The following SEC62 variants were observed in gnomAD, a reference collection of about 807,000 sequenced individuals.
SEC62 encodes the protein SEC62 preprotein translocation factor.
In SEC62, 10 loss-of-function variants were observed where a neutral mutation model predicts 47.5. The ratio of observed to expected loss-of-function variants is 0.21; its 90% CI spans 0.13 to 0.36. SEC62 has a LOEUF of 0.36. Among genes scored for constraint, SEC62 ranks in the 10% least tolerant of loss-of-function variants. The probability of loss-of-function intolerance (pLI) is 1.00; values close to 1 mark genes in which losing one functional copy is unlikely to be tolerated. For missense variants in SEC62, 327 were observed against 464.1 expected, an observed-to-expected ratio of 0.70 and a Z score of 2.71; for synonymous variants, 136 against 150.5, an observed-to-expected ratio of 0.90 and a Z score of 0.71.
intron 3 of SEC62, among the ~76,000 whole-genome samples, chr3:169,979,079 C>G (rs1291095125): frequency 6.6e-6 from 1 of 152,130 alleles, no homozygotes; most frequent in Non-Finnish European, 1.5e-5. Context: ...ATTTGAAAAG[C>G]TCAAAAGACC....
In SEC62 at chr3:169,975,671, A is replaced by G. The variant is rs186147407; in HGVS notation, c.100A>G (p.Thr34Ala). The G allele has an allele frequency of 5.0e-6, 8 of 1,613,874 alleles. No individual in the cohort carries two copies. In the East Asian group the frequency reaches 6.7e-5, roughly 13 times the overall value. The change falls in exon 2 of 8, where the codon ACA (threonine) becomes GCA (alanine). Residue 34 changes from threonine to alanine, a missense_variant. Physicochemically the swap from Thr to Ala is moderately conservative, Grantham distance 58. Coordinates refer to ENST00000337002, the MANE Select transcript of SEC62 (RefSeq NM_003262.4). The stretch of plus-strand genomic sequence containing the variant: ...CAAGTATCTTCGATTCAACTGTCCA[A>G]CAAAGTCCACCAATATGATGGGTCA... ...VAKYLRFNCPTKSTNMMGHRV... is the reference protein window; with the variant it reads ...VAKYLRFNCPAKSTNMMGHRV...
At chr3:169,975,839 C>A in intron 2 of SEC62, 123 bp downstream of exon 2, 1 of 563,248 alleles carries the variant, frequency 1.8e-6, no homozygotes, top group Non-Finnish European at 3.3e-6. Context: ...GGACATATGG[C>A]AGTTGATTAT....
Position 169,986,687 on chromosome 3 carries a change from G to A in SEC62, c.610+822G>A, listed in dbSNP as rs568440090. On this transcript the variant is annotated intron_variant, in intron 6 of 7. Coordinates refer to ENST00000337002, the MANE Select transcript of SEC62 (RefSeq NM_003262.4). ...CTTAATAGTACTTAACCTCTGGGAAGTGGAATAAGAATTAGATGAAGACTT... is the reference window on the plus strand; with the variant it reads ...CTTAATAGTACTTAACCTCTGGGAAATGGAATAAGAATTAGATGAAGACTT... 5.8e-4 allele frequency among the ~76,000 whole-genome samples: 88 copies of A among 152,290 alleles called. 1 individual carries two copies. Among genetic ancestry groups the A allele is most frequent in the South Asian group, 2.1e-3 (10 of 4,830 alleles).
At chr3:169,979,938 G>A (rs944596095) in intron 3 of SEC62, among the ~76,000 whole-genome samples, 2 of 152,092 alleles carry the variant, frequency 1.3e-5, no homozygotes, top group Admixed American at 1.3e-4. Context: ...ATTGGTGGAA[G>A]TCCCCAACAT....
In SEC62 at chr3:169,966,849, G is replaced by T. The variant is rs770118827; in HGVS notation, c.27G>T (p.Lys9Asn). The change falls in exon 1 of 8, where the codon AAG becomes AAT. Residue 9 changes from lysine (K) to asparagine (N), a missense_variant. Transcript: ENST00000337002. MAERRRHK[K>N]RIQEVGEPSK... ...TGGCGGAACGCAGGAGACACAAGAAGCGGATCCAGGTAGCAAAGCCGAGCT... is the reference window on the plus strand; with the variant it reads ...TGGCGGAACGCAGGAGACACAAGAATCGGATCCAGGTAGCAAAGCCGAGCT... The T allele has an allele frequency of 6.4e-7, 1 of 1,556,574 alleles. No individual in the cohort carries two copies.
intron 3 of SEC62, 139 bp downstream of exon 3, chr3:169,977,190 G>A (rs759299008): frequency 4.1e-6 from 2 of 487,184 alleles, no homozygotes; most frequent in Non-Finnish European, 3.6e-6. Context: ...GATTTCTTTG[G>A]TACCTCTGGA....
Position 169,994,470 on chromosome 3 carries a change from T to C in SEC62, c.*1407T>C, listed in dbSNP as rs1220682158. 1 of 152,676 alleles carries C rather than the reference T, an allele frequency of 6.5e-6. No individual in the cohort carries two copies. The highest frequency in any genetic ancestry group is 1.5e-5 in the Non-Finnish European group (1 of 68,026). The allele number at this position is 152,676 out of a possible 1,614,324, so 9.5% of individuals were successfully genotyped here. ...TTCTAATTGTGAAAAATATGTTTTC[T>C]GTATCGACACATTTTATTAAACTTG... On this transcript the variant is annotated 3_prime_UTR_variant, in exon 8 of 8. Coordinates refer to ENST00000337002, the MANE Select transcript of SEC62 (RefSeq NM_003262.4).
chr3:169,974,228 C>T (rs1714773098), intron 1 of SEC62, among the ~76,000 whole-genome samples: 2 of 152,172 alleles, frequency 1.3e-5, no homozygotes, highest in East Asian at 1.9e-4. Flanking sequence ...TTTAATGAAG[C>T]AGCCCTTCCT....
intron 3 of SEC62, among the ~76,000 whole-genome samples, chr3:169,978,991 T>C (rs914664077): frequency 6.6e-6 from 1 of 152,202 alleles, no homozygotes; most frequent in African/African-American, 2.4e-5. Context: ...CTATTAGATC[T>C]GTAAGCCCAA....
intron 3 of SEC62, among the ~76,000 whole-genome samples, chr3:169,978,365 A>G (rs1338183312): frequency 1.3e-5 from 2 of 152,208 alleles, no homozygotes; most frequent in Non-Finnish European, 2.9e-5. Context: ...CAGCAAGCAT[A>G]TATCCAGGGC....
intron 2 of SEC62, among the ~76,000 whole-genome samples, chr3:169,976,329 CTG>C (rs776665077): frequency 3.3e-5 from 5 of 152,104 alleles, no homozygotes; most frequent in Non-Finnish European, 5.9e-5. Flanking sequence ...GATCCCACCA[CTG>C]TACTCCAGCC....
intron 5 of SEC62, 150 bp downstream of exon 5, chr3:169,983,403 T>G: frequency 4.4e-6 from 2 of 456,738 alleles, no homozygotes; most frequent in Non-Finnish European, 7.9e-6. Context: ...AAATCAATAA[T>G]TTCTCTTATT....
At chr3:169,969,794 A>C (rs1714651440) in intron 1 of SEC62, among the ~76,000 whole-genome samples, 1 of 152,192 alleles carries the variant, frequency 6.6e-6, no homozygotes, top group Non-Finnish European at 1.5e-5. Context: ...TAAAGACTTA[A>C]CATGACTTGT....
chr3:169,992,463 T>TTTAAATA lies in SEC62; in HGVS notation c.731-126_731-120dup, dbSNP rs1576866130. On this transcript the variant is annotated intron_variant, in intron 7 of 7. Transcript: ENST00000337002. This position sits in a 1 kb window ranked among gnomAD's most constrained non-coding sequence, Gnocchi z 4.0. Reference sequence around the variant, plus strand: ...CCACCACGCCCAGCACTAATCAGGATTTAAATATTAATATTTAAGGTGTAT... The same window carrying TTTAAATA: ...CCACCACGCCCAGCACTAATCAGGATTTAAATATTAAATATTAATATTTAAGGTGTAT... 2 of 670,472 alleles carry TTTAAATA rather than the reference T, an allele frequency of 3.0e-6. No homozygotes were observed. Among genetic ancestry groups the TTTAAATA allele is most frequent in the Non-Finnish European group, 5.0e-6 (2 of 400,852 alleles). The allele number at this position is 670,472 out of a possible 1,614,324, so 41.5% of individuals were successfully genotyped here. A position where few individuals can be genotyped will look rare whatever the true frequency, so the allele number is the denominator to read the frequency against.
At position 169,993,310 on chromosome 3, in the gene SEC62, T is replaced by C. The variant is rs139198700; in HGVS notation, c.*247T>C. ...TTTACAGTAAGTAGGTCTCATTCATTTTGACAGTTATCAAAGATGTACTTT... is the reference window on the plus strand; with the variant it reads ...TTTACAGTAAGTAGGTCTCATTCATCTTGACAGTTATCAAAGATGTACTTT... On this transcript the variant is annotated 3_prime_UTR_variant, in exon 8 of 8. Coordinates refer to ENST00000337002, the MANE Select transcript of SEC62 (RefSeq NM_003262.4). The C allele has an allele frequency of 3.9e-5, 14 of 358,182 alleles. No individual in the cohort carries two copies. In the East Asian group the frequency reaches 4.3e-4, roughly 11 times the overall value. The allele number at this position is 358,182 out of a possible 1,614,324, so 22.2% of individuals were successfully genotyped here.
Position 169,992,221 on chromosome 3 carries a change from C to A in SEC62, c.731-373C>A, listed in dbSNP as rs1406208992. Reference sequence around the variant, plus strand: ...AAGTGTATATCCATGTAAGTGTACACCCAGATGGAAAAAAGAAGTAATTTT... The same window carrying A: ...AAGTGTATATCCATGTAAGTGTACAACCAGATGGAAAAAAGAAGTAATTTT... On this transcript the variant is annotated intron_variant, in intron 7 of 7. Transcript: ENST00000337002. The surrounding 1 kb of genome is among the most constrained non-coding windows in gnomAD (Gnocchi z 4.0). Among the ~76,000 whole-genome samples, 1 of 152,114 alleles carries A rather than the reference C, an allele frequency of 6.6e-6. No homozygotes were observed. Among genetic ancestry groups the A allele is most frequent in the Admixed American group, 6.5e-5 (1 of 15,268 alleles).
At chr3:169,987,233 C>A (rs1442283569) in intron 6 of SEC62, among the ~76,000 whole-genome samples, 1 of 151,970 alleles carries the variant, frequency 6.6e-6, no homozygotes, top group Non-Finnish European at 1.5e-5. Context: ...TCGAAACCAG[C>A]CTAGGCAACA....
chr3:169,981,398 A>AGAAGT (rs1267135802), intron 3 of SEC62, among the ~76,000 whole-genome samples: 4 of 152,206 alleles, frequency 2.6e-5, no homozygotes, highest in Non-Finnish European at 5.9e-5. Flanking sequence ...AGTGACAAAA[A>AGAAGT]GAAGTGGTTA....
intron 3 of SEC62, 151 bp downstream of exon 3, chr3:169,977,202 A>G (rs1236904977): frequency 8.4e-6 from 4 of 478,332 alleles, no homozygotes; most frequent in Non-Finnish European, 1.5e-5. Context: ...ACCTCTGGAA[A>G]TGTGTTTGGT....
Sources: gnomAD v4.1 joint callset for allele counts (sites outside exome capture counted in the v4.1 genomes callset) on GRCh38, gnomAD v4.1.1 for gene constraint, Gnocchi (gnomAD v3.1) non-coding constraint, MANE v1.5 for transcripts, NCBI Gene and HGNC (gene_info 2026-07-23, HGNC 2026-07-21) for gene names.